The following ANK3 variants were observed in gnomAD, a reference collection of about 807,000 sequenced individuals.
ANK3 encodes the protein ankyrin 3, also known as ankyrin-3.
Under a neutral mutation model 370.9 loss-of-function variants are expected in ANK3, and 57 were observed. The ratio of observed to expected loss-of-function variants is 0.15; its 90% CI spans 0.12 to 0.19. The LOEUF (loss-of-function observed/expected upper bound fraction) is 0.19. ANK3 is among the 10% of genes least tolerant of loss of function. ANK3 has a pLI of 1.00. For synonymous variants in ANK3, 1,929 were observed against 1,946.3 expected (o/e 0.99, Z 0.23); for missense variants, 4,439 against 5,302.1 (o/e 0.84, Z 5.06).
chr10:60,626,137 G>A (rs1443635596), intron 1 of ANK3, among the ~76,000 whole-genome samples: 2 of 152,132 alleles, frequency 1.3e-5, no homozygotes, highest in African/African-American at 4.8e-5. Flanking sequence ...AACAGGGCTG[G>A]TAAGGAAGAC....
intron 2 of ANK3, among the ~76,000 whole-genome samples, chr10:60,592,535 G>T (rs1369115771): frequency 6.6e-6 from 1 of 152,196 alleles, no homozygotes; most frequent in South Asian, 2.1e-4. Flanking sequence ...CAAGGCGGGT[G>T]GATCACCTGA....
At chr10:60,360,059 A>T (rs1450108819) in intron 1 of ANK3, among the ~76,000 whole-genome samples, 1 of 152,206 alleles carries the variant, frequency 6.6e-6, no homozygotes, top group Non-Finnish European at 1.5e-5. Context: ...TATCTAAAAT[A>T]TCTAGTGTTT....
At chr10:60,179,902 G>C (rs919191018) in intron 18 of ANK3, among the ~76,000 whole-genome samples, 5 of 152,002 alleles carry the variant, frequency 3.3e-5, no homozygotes, top group African/African-American at 1.2e-4. Flanking sequence ...GGATGTGCTG[G>C]GGCAGAAAAA....
At chr10:60,352,258 T>A (rs1028983783) in intron 1 of ANK3, among the ~76,000 whole-genome samples, 1 of 152,180 alleles carries the variant, frequency 6.6e-6, no homozygotes, top group African/African-American at 2.4e-5. Context: ...ATCACGCCAC[T>A]GTACTCCATC....
chr10:60,206,564 CCACTT>C (rs146591540), intron 10 of ANK3, among the ~76,000 whole-genome samples: 5,861 of 152,250 alleles, frequency 0.038, 351 homozygotes, highest in African/African-American at 0.13. Context: ...CCTCACAGCT[CCACTT>C]CACCAAGGTT....
chr10:60,046,877 G>T (rs139636524), intron 42 of ANK3, among the ~76,000 whole-genome samples: 1 of 148,338 alleles, frequency 6.7e-6, no homozygotes, highest in Non-Finnish European at 1.5e-5. Context: ...CGCGATCTTG[G>T]CTCACTGCAA....
chr10:60,283,794 C>G (rs373691958), intron 1 of ANK3, among the ~76,000 whole-genome samples: 6 of 152,068 alleles, frequency 3.9e-5, no homozygotes, highest in African/African-American at 1.4e-4. Flanking sequence ...TTTCAGAGTG[C>G]CAACCTCAGT....
chr10:60,440,402 T>A (rs2064271070), intron 2 of ANK3, among the ~76,000 whole-genome samples: 3 of 152,160 alleles, frequency 2.0e-5, no homozygotes, highest in Admixed American at 2.0e-4. Flanking sequence ...AGCAGGCATC[T>A]TCTTCACAAG....
At chr10:60,721,243 AGAG>A (rs1300731481) in intron 1 of ANK3, among the ~76,000 whole-genome samples, 1 of 152,196 alleles carries the variant, frequency 6.6e-6, no homozygotes, top group Non-Finnish European at 1.5e-5. Context: ...GTTGCCCAGA[AGAG>A]GAGTACTTGA....
intron 2 of ANK3, among the ~76,000 whole-genome samples, chr10:60,456,963 T>C (rs2064764042): frequency 6.6e-6 from 1 of 152,128 alleles, no homozygotes; most frequent in South Asian, 2.1e-4. Flanking sequence ...CCTGCCCGAG[T>C]CTTCAACTAT....
At chr10:60,581,650 T>C (rs964363697) in intron 2 of ANK3, among the ~76,000 whole-genome samples, 1 of 151,770 alleles carries the variant, frequency 6.6e-6, no homozygotes, top group Non-Finnish European at 1.5e-5. Context: ...ATCTTGGCCA[T>C]GCTGGTCTTG....
At chr10:60,684,825 G>A in intron 1 of ANK3, 1 of 1,525,220 alleles carries the variant, frequency 6.6e-7, no homozygotes, top group Non-Finnish European at 9.0e-7. Flanking sequence ...ATATCGAAAG[G>A]ATGGAAGAAG....
At chr10:60,497,142 G>A (rs1441904893) in intron 2 of ANK3, among the ~76,000 whole-genome samples, 1 of 151,866 alleles carries the variant, frequency 6.6e-6, no homozygotes, top group Non-Finnish European at 1.5e-5. Flanking sequence ...TCACTATAAA[G>A]AAATTTAAAA....
rs2083235897 is a variant in ANK3, at chr10:60,073,779, C to T, written c.7102G>A (p.Gly2368Arg). 6.2e-7 allele frequency: 1 copy of T among 1,613,544 alleles called. No individual in the cohort carries two copies. The highest frequency in any genetic ancestry group is 1.7e-5 in the Admixed American group (1 of 59,966). ...MYVYQKDLSRGDINLKDFLPE... is the reference protein window; with the variant it reads ...MYVYQKDLSRRDINLKDFLPE... ...AGAAAATCTTTTAGGTTAATATCTC[C>T]CCGGGATAAGTCTTTCTGATATACA... is the stretch of plus-strand genomic sequence containing the variant. Residue 2368 changes from glycine to arginine, a missense_variant, in exon 37 of 44, where the codon GGA becomes AGA. By Grantham distance (125) the Gly-to-Arg change is moderately radical. This residue lies in a region of ANK3 where 1,601 missense variants were observed against 1,731.7 expected (regional missense o/e 0.92). Transcript: ENST00000280772.
At chr10:60,258,576 T>C (rs1278479690) in intron 7 of ANK3, among the ~76,000 whole-genome samples, 1 of 152,200 alleles carries the variant, frequency 6.6e-6, no homozygotes, top group Non-Finnish European at 1.5e-5. Flanking sequence ...TTCCTTCTAT[T>C]GTTTACTCCC....
rs2098153863 is a variant in ANK3 at position 60,280,980 on chromosome 10, G to A, written c.115-1341C>T. On this transcript the variant is annotated intron_variant, in intron 1 of 43. Coordinates refer to ENST00000280772, the MANE Select transcript of ANK3 (RefSeq NM_020987.5). ...ATGAGCCCCTTCAGAATAAGCAGAG[G>A]AGGCAGATTAAGGAGTAGGCAACTG... Among the ~76,000 whole-genome samples the A allele has an allele frequency of 3.9e-5, 6 of 152,164 alleles. No individual in the cohort carries two copies. In the South Asian group the frequency reaches 1.2e-3, roughly 31 times the overall value.
intron 1 of ANK3, among the ~76,000 whole-genome samples, chr10:60,624,760 A>T (rs931576839): frequency 2.6e-5 from 4 of 151,798 alleles, no homozygotes; most frequent in Non-Finnish European, 4.4e-5. Flanking sequence ...TTGAGGAGGC[A>T]TGAATGCTAG....
At chr10:60,362,748 T>G (rs1474277730) in intron 1 of ANK3, among the ~76,000 whole-genome samples, 1 of 152,140 alleles carries the variant, frequency 6.6e-6, no homozygotes, top group Non-Finnish European at 1.5e-5. Context: ...GATTCATTTC[T>G]TAGCAAACCT....
chr10:60,164,883 G>T (rs1219841135), intron 23 of ANK3, among the ~76,000 whole-genome samples: 1 of 152,064 alleles, frequency 6.6e-6, no homozygotes, highest in Non-Finnish European at 1.5e-5. Context: ...AATAGCCCTG[G>T]ACACATTAAA....
Sources: gnomAD v4.1 joint callset for allele counts (sites outside exome capture counted in the v4.1 genomes callset) on GRCh38, gnomAD v4.1.1 for gene constraint, gnomAD v4.1.1 regional missense constraint, MANE v1.5 for transcripts, NCBI Gene and HGNC (gene_info 2026-07-23, HGNC 2026-07-21) for gene names.